Variants in EIF2AK4 observed in about 807,000 individuals in gnomAD.
The protein encoded by EIF2AK4 is eIF-2-alpha kinase GCN2.
In EIF2AK4, 139 loss-of-function variants were observed where a neutral mutation model predicts 211.1. The ratio of observed to expected loss-of-function variants is 0.66; its 90% CI spans 0.57 to 0.76. The LOEUF is 0.76. Ranked by LOEUF, EIF2AK4 falls within the 30% of genes least tolerant of loss-of-function variation. The pLI, the probability that EIF2AK4 is intolerant of heterozygous loss-of-function variation, is 0.00. For missense variants in EIF2AK4, 1,664 were observed against 2,043.8 expected (o/e 0.81, Z 3.58); for synonymous variants, 710 against 751.3 (o/e 0.94, Z 0.90).
chr15:39,941,960 T>G (rs1323324579), intron 2 of EIF2AK4, among the ~76,000 whole-genome samples: 1 of 152,176 alleles, frequency 6.6e-6, no homozygotes, highest in Admixed American at 6.6e-5. Flanking sequence ...GAAATGCTTA[T>G]AAAAGTTAAA....
chr15:40,032,332 A>G (rs890697079), intron 36 of EIF2AK4, 95 bp downstream of exon 36: 25 of 1,056,882 alleles, frequency 2.4e-5, no homozygotes, highest in Non-Finnish European at 3.2e-5. Flanking sequence ...CAGTGTCAGC[A>G]GAATTTGGAT....
At chr15:39,996,086 T>C (rs1286164192) in intron 18 of EIF2AK4, among the ~76,000 whole-genome samples, 2 of 152,198 alleles carry the variant, frequency 1.3e-5, no homozygotes, top group African/African-American at 4.8e-5. Context: ...ATTTAGATTC[T>C]ACATACCAGT....
chr15:40,020,096 G>C lies in EIF2AK4; in HGVS notation c.4174-803G>C, dbSNP rs562936830. Among the ~76,000 whole-genome samples, 12 of 151,926 alleles carry C rather than the reference G, an allele frequency of 7.9e-5. No individual in the cohort carries two copies. In the South Asian group the frequency reaches 2.3e-3, roughly 29 times the overall value. On this transcript the variant is annotated intron_variant, in intron 30 of 38. Coordinates refer to ENST00000263791, the MANE Select transcript of EIF2AK4 (RefSeq NM_001013703.4). ...GTGGGAGAATCGTTTGAACCCAGGAGGGGGAGGTTGCAGTGAGGTGAAATC... is the reference window on the plus strand; with the variant it reads ...GTGGGAGAATCGTTTGAACCCAGGACGGGGAGGTTGCAGTGAGGTGAAATC...
rs1261460286 is a variant in EIF2AK4, at chr15:39,949,124, C to T, written c.369C>T (p.Ile123=). The T allele has an allele frequency of 1.2e-6, 2 of 1,613,514 alleles. No homozygotes were observed. The highest frequency in any genetic ancestry group is 1.7e-6 in the Non-Finnish European group (2 of 1,179,582). ...LAKKHCGEVM[I]FELAYHVQSF... is the part of the protein sequence containing the mutation. ...TTTGTTTACATGTTTAGGTGATGATCTTTGAACTGGCTTACCACGTGCAGT... is the reference window on the plus strand; with the variant it reads ...TTTGTTTACATGTTTAGGTGATGATTTTTGAACTGGCTTACCACGTGCAGT... Residue 123 remains isoleucine, a synonymous_variant, in exon 4 of 39, where the codon ATC becomes ATT. Coordinates refer to ENST00000263791, the MANE Select transcript of EIF2AK4 (RefSeq NM_001013703.4).
intron 1 of EIF2AK4, among the ~76,000 whole-genome samples, chr15:39,938,556 G>A (rs182706962): frequency 3.9e-5 from 6 of 152,170 alleles, no homozygotes; most frequent in South Asian, 2.1e-4. Context: ...ATGATACCAC[G>A]TTTCTCTTTT....
At chr15:40,015,713 G>T (rs897283410) in intron 27 of EIF2AK4, among the ~76,000 whole-genome samples, 3 of 152,208 alleles carry the variant, frequency 2.0e-5, no homozygotes, top group Non-Finnish European at 2.9e-5. Flanking sequence ...ATGTCAATCT[G>T]AGCCTTCATT....
intron 14 of EIF2AK4, among the ~76,000 whole-genome samples, chr15:39,986,752 G>A (rs2034871436): frequency 6.6e-6 from 1 of 152,242 alleles, no homozygotes; most frequent in Admixed American, 6.5e-5. Flanking sequence ...CTACTCAGGA[G>A]GCTGAGGCAG....
chr15:39,948,042 T>C (rs537343402), intron 3 of EIF2AK4, among the ~76,000 whole-genome samples: 3 of 152,350 alleles, frequency 2.0e-5, no homozygotes, highest in African/African-American at 7.2e-5. Context: ...CCTCTTAGAC[T>C]GTAGACTAGT....
chr15:40,020,269 C>G (rs1429684066), intron 30 of EIF2AK4, among the ~76,000 whole-genome samples: 1 of 151,248 alleles, frequency 6.6e-6, no homozygotes, highest in Non-Finnish European at 1.5e-5. Context: ...ATTAGTTTTC[C>G]TAGAGAAAAA....
chr15:40,012,272 T>C (rs767486388), intron 27 of EIF2AK4, among the ~76,000 whole-genome samples: 8 of 152,194 alleles, frequency 5.3e-5, no homozygotes, highest in Non-Finnish European at 1.0e-4. Context: ...ATGCACAGCA[T>C]GTATCTGCCC....
chr15:39,976,577 G>A lies in EIF2AK4; in HGVS notation c.1982G>A (p.Arg661Gln), dbSNP rs866960579. Residue 661 changes from arginine to glutamine, a missense_variant, in exon 12 of 39, where the codon CGG (arginine) becomes CAG (glutamine). Physicochemically the swap from Arg to Gln is conservative, Grantham distance 43. This residue lies in a region of EIF2AK4 where 206 missense variants were observed against 201.9 expected (regional missense o/e 1.02). Transcript: ENST00000263791. ...AACGCCTGGATCGAGCGGCACGAGCGGCCGGCGGGACCGGGGACGCCGCCC... is the reference window on the plus strand; with the variant it reads ...AACGCCTGGATCGAGCGGCACGAGCAGCCGGCGGGACCGGGGACGCCGCCC... ...YYNAWIERHE[R>Q]PAGPGTPPPD... 3 of 1,611,532 alleles carry A rather than the reference G, an allele frequency of 1.9e-6. No individual in the cohort carries two copies. The highest frequency in any genetic ancestry group is 2.5e-6 in the Non-Finnish European group (3 of 1,179,266).
chr15:39,990,137 G>A, intron 15 of EIF2AK4, 136 bp from the exon 16 acceptor site: 1 of 750,808 alleles, frequency 1.3e-6, no homozygotes, highest in Non-Finnish European at 2.3e-6. Flanking sequence ...GCAGAGGCCA[G>A]ACAGCCTGGA....
intron 34 of EIF2AK4, 29 bp downstream of exon 34, chr15:40,029,493 A>G (rs1422296123): frequency 6.2e-7 from 1 of 1,605,370 alleles, no homozygotes; most frequent in African/African-American, 1.3e-5. Context: ...ATCTGAACAT[A>G]ATGATGCTTA....
intron 33 of EIF2AK4, chr15:40,029,185 C>A: frequency 2.8e-6 from 1 of 362,670 alleles, no homozygotes; most frequent in Non-Finnish European, 3.8e-6. Context: ...TTTCCTTAGG[C>A]ATTTGTTAAC....
chr15:39,944,180 A>G (rs1441781967), intron 3 of EIF2AK4, among the ~76,000 whole-genome samples: 1 of 152,072 alleles, frequency 6.6e-6, no homozygotes, highest in African/African-American at 2.4e-5. Context: ...AGTGTCTGTC[A>G]TATACCTGAG....
chr15:39,964,994 T>TA (rs1489787544), intron 7 of EIF2AK4, among the ~76,000 whole-genome samples: 27 of 152,264 alleles, frequency 1.8e-4, no homozygotes, highest in Non-Finnish European at 2.9e-4. Flanking sequence ...TTGTTCTCTA[T>TA]TTTCATATTC....
chr15:39,988,910 A>G (rs1044353477), intron 15 of EIF2AK4, among the ~76,000 whole-genome samples: 2 of 152,206 alleles, frequency 1.3e-5, no homozygotes, highest in Non-Finnish European at 2.9e-5. Flanking sequence ...CTGAGGCAGG[A>G]GAATCACTTG....
intron 3 of EIF2AK4, among the ~76,000 whole-genome samples, chr15:39,947,231 T>G (rs956689504): frequency 1.3e-5 from 2 of 152,140 alleles, no homozygotes; most frequent in African/African-American, 2.4e-5. Flanking sequence ...TCTAAAGAAA[T>G]TTTTTTATTT....
At chr15:39,947,726 A>G (rs2034248921) in intron 3 of EIF2AK4, among the ~76,000 whole-genome samples, 1 of 152,220 alleles carries the variant, frequency 6.6e-6, no homozygotes, top group South Asian at 2.1e-4. Flanking sequence ...TGTTCTTTAC[A>G]AGGCATTCAG....
Sources: allele counts gnomAD v4.1 joint callset (sites outside exome capture counted in the v4.1 genomes callset), GRCh38; gene constraint gnomAD v4.1.1; regional missense constraint gnomAD v4.1.1; transcripts MANE v1.5; gene names NCBI Gene and HGNC (gene_info 2026-07-23, HGNC 2026-07-21).